Variants in SUGP1 observed in about 807,000 individuals in gnomAD.
SUGP1 encodes SURP and G-patch domain containing 1, also known as SURP and G-patch domain-containing protein 1.
Under a neutral mutation model 76.5 loss-of-function variants are expected in SUGP1, and 34 were observed. The ratio of observed to expected loss-of-function variants is 0.44; its 90% confidence interval spans 0.34 to 0.59. The LOEUF is 0.59. Among genes scored for constraint, SUGP1 ranks in the 20% least tolerant of loss-of-function variants. SUGP1 has a pLI of 0.01. For synonymous variants in SUGP1, 326 were observed against 326.2 expected (o/e 1.00, Z 0.01); for missense variants, 752 against 851.7 (o/e 0.88, Z 1.46).
At chr19:19,303,273 G>T in intron 6 of SUGP1, 75 bp downstream of exon 6, 1 of 1,294,990 alleles carries the variant, frequency 7.7e-7, no homozygotes, top group Non-Finnish European at 1.1e-6. Flanking sequence ...GCACCTCCAG[G>T]AACCCCGATT....
In SUGP1 at chr19:19,305,756, A is replaced by G. The variant is rs530090462; in HGVS notation, c.538+93T>C. ...GGCTGCAACTCAGCCGAAAGCACCC[A>G]TGCCCCTGGCAGCACTTGCCCTGCC... On this transcript the variant is annotated intron_variant, in intron 4 of 13. Coordinates refer to ENST00000247001, the MANE Select transcript of SUGP1 (RefSeq NM_172231.4). 5.3e-6 allele frequency: 7 copies of G among 1,329,376 alleles called. No individual in the cohort carries two copies. In the Admixed American group the frequency reaches 1.1e-4, roughly 22 times the overall value. 82.3% of individuals were successfully genotyped at this position (1,329,376 alleles called of 1,614,324 possible).
intron 8 of SUGP1, among the ~76,000 whole-genome samples, chr19:19,288,810 G>A (rs1378295962): frequency 6.6e-6 from 1 of 151,862 alleles, no homozygotes; most frequent in Non-Finnish European, 1.5e-5. Flanking sequence ...TTGTGAGACG[G>A]AGTCTTGCTC....
intron 2 of SUGP1, among the ~76,000 whole-genome samples, chr19:19,311,870 T>C (rs1265050392): frequency 6.6e-6 from 1 of 152,008 alleles, no homozygotes; most frequent in Non-Finnish European, 1.5e-5. Flanking sequence ...CCCAGCTACT[T>C]GGGAGACTGA....
intron 8 of SUGP1, among the ~76,000 whole-genome samples, chr19:19,291,881 A>G (rs1188745360): frequency 3.1e-5 from 4 of 129,748 alleles, no homozygotes; most frequent in Admixed American, 2.5e-4. Context: ...TGACAGAGTG[A>G]GACTCTGTCA....
intron 3 of SUGP1, among the ~76,000 whole-genome samples, chr19:19,308,271 C>T (rs1397129931): frequency 6.6e-6 from 1 of 151,718 alleles, no homozygotes; most frequent in African/African-American, 2.4e-5. Context: ...CGAGCTCAAG[C>T]GATCCTGTCC....
chr19:19,305,522 G>T, intron 4 of SUGP1: 1 of 230,722 alleles, frequency 4.3e-6, no homozygotes, highest in Non-Finnish European at 8.6e-6. Context: ...CTCCTAGAAG[G>T]GATGTGAGGA....
At chr19:19,293,961 G>C (rs1222917584) in intron 8 of SUGP1, among the ~76,000 whole-genome samples, 1 of 152,152 alleles carries the variant, frequency 6.6e-6, no homozygotes, top group African/African-American at 2.4e-5. Flanking sequence ...AAGGTGGCAA[G>C]ATTGTTTGAG....
At chr19:19,295,274 A>G (rs1830355530) in intron 8 of SUGP1, among the ~76,000 whole-genome samples, 1 of 151,982 alleles carries the variant, frequency 6.6e-6, no homozygotes, top group Non-Finnish European at 1.5e-5. Context: ...CTGTAGTCCC[A>G]GATACTCAGG....
At chr19:19,295,419 A>G (rs2061217442) in intron 8 of SUGP1, among the ~76,000 whole-genome samples, 1 of 151,772 alleles carries the variant, frequency 6.6e-6, no homozygotes, top group South Asian at 2.1e-4. Flanking sequence ...CCTGGCTAAC[A>G]TGGTGAAACC....
intron 4 of SUGP1, among the ~76,000 whole-genome samples, chr19:19,305,010 C>T (rs1164954747): frequency 1.3e-5 from 2 of 152,142 alleles, no homozygotes; most frequent in Non-Finnish European, 2.9e-5. Context: ...TGGCCAATAC[C>T]CCTTGTAATG....
chr19:19,285,680 C>T (rs558888504), intron 8 of SUGP1, among the ~76,000 whole-genome samples: 1 of 152,268 alleles, frequency 6.6e-6, no homozygotes, highest in East Asian at 1.9e-4. Flanking sequence ...AACCTCTCAC[C>T]TCAGCCTTCC....
chr19:19,306,462 G>A (rs1396588842), intron 3 of SUGP1, among the ~76,000 whole-genome samples: 1 of 152,218 alleles, frequency 6.6e-6, no homozygotes, highest in African/African-American at 2.4e-5. Context: ...ACTGGCCAGG[G>A]GCCAGCCTAC....
chr19:19,310,473 T>C (rs1221034110), intron 2 of SUGP1, among the ~76,000 whole-genome samples: 3 of 152,190 alleles, frequency 2.0e-5, no homozygotes, highest in Admixed American at 2.0e-4. Flanking sequence ...ATATTAACCC[T>C]CCAGGTCCAA....
chr19:19,302,195 T>C, intron 7 of SUGP1, 70 bp downstream of exon 7: 9 of 1,594,790 alleles, frequency 5.6e-6, no homozygotes, highest in South Asian at 1.1e-5. Flanking sequence ...ACTATGCTGA[T>C]CCAGTGTCCT....
chr19:19,317,237 G>A (rs551529395), intron 1 of SUGP1, among the ~76,000 whole-genome samples: 70 of 152,190 alleles, frequency 4.6e-4, no homozygotes, highest in African/African-American at 1.7e-3. Context: ...AGGTAGGACA[G>A]GCAGAAAATA....
intron 12 of SUGP1, among the ~76,000 whole-genome samples, chr19:19,277,406 T>A (rs2061061385): frequency 6.6e-6 from 1 of 152,108 alleles, no homozygotes; most frequent in African/African-American, 2.4e-5. Flanking sequence ...CTCCTGCCCA[T>A]CTCTGGGAGT....
intron 3 of SUGP1, among the ~76,000 whole-genome samples, chr19:19,309,585 C>T (rs2061339709): frequency 6.6e-6 from 1 of 152,110 alleles, no homozygotes; most frequent in Non-Finnish European, 1.5e-5. Flanking sequence ...CAAGATCATC[C>T]TGGTAACACA....
At chr19:19,280,342 C>A in intron 8 of SUGP1, 51 bp from the exon 9 acceptor site, 3 of 1,521,552 alleles carry the variant, frequency 2.0e-6, no homozygotes, top group Non-Finnish European at 2.7e-6. Flanking sequence ...GCACCCCGAT[C>A]TCGCTCCTGC....
chr19:19,276,791 C>A, intron 13 of SUGP1, 117 bp from the exon 14 acceptor site: 1 of 1,559,444 alleles, frequency 6.4e-7, no homozygotes, highest in South Asian at 1.1e-5. Flanking sequence ...GCAGGGCAGG[C>A]TTGGGGGACG....
Sources: gnomAD v4.1 joint callset for allele counts (sites outside exome capture counted in the v4.1 genomes callset) on GRCh38, gnomAD v4.1.1 for gene constraint, MANE v1.5 for transcripts, NCBI Gene and HGNC (gene_info 2026-07-23, HGNC 2026-07-21) for gene names.